RAD17: variants seen among roughly 807,000 people sequenced by gnomAD.
RAD17 encodes cell cycle checkpoint protein RAD17.
Under a neutral mutation model 81.5 loss-of-function variants are expected in RAD17, and 31 were observed. The observed-to-expected ratio is 0.38, with a 90% CI of 0.29 to 0.51. The LOEUF (loss-of-function observed/expected upper bound fraction) is 0.51. Ranked by LOEUF, RAD17 falls within the 20% of genes least tolerant of loss-of-function variation. The pLI, the probability that RAD17 is intolerant of heterozygous loss-of-function variation, is 0.88. For missense variants in RAD17, 681 were observed against 781.2 expected, an observed-to-expected ratio of 0.87 and a Z score of 1.53; for synonymous variants, 261 against 266.2, an observed-to-expected ratio of 0.98 and a Z score of 0.19.
chr5:69,389,106 A>G lies in RAD17; in HGVS notation c.967A>G (p.Arg323Gly). 1.3e-6 allele frequency: 2 copies of G among 1,590,192 alleles called. No individual in the cohort carries two copies. Among genetic ancestry groups the G allele is most frequent in the Non-Finnish European group, 1.7e-6 (2 of 1,167,928 alleles). Residue 323 changes from arginine (R) to glycine (G), a missense_variant, in exon 12 of 19, where the codon AGA (arginine) becomes GGA (glycine). Coordinates refer to ENST00000354868, the MANE Select transcript of RAD17 (RefSeq NM_133338.3). ...LLCQGCSGDI[R>G]SAINSLQFSS... Reference sequence around the variant, plus strand: ...CTGTCAGGGATGTTCTGGTGATATCAGAAGTGCAATAAACAGCCTCCAGTT... The same window carrying G: ...CTGTCAGGGATGTTCTGGTGATATCGGAAGTGCAATAAACAGCCTCCAGTT...
chr5:69,394,693 A>G (rs890540096), intron 15 of RAD17, among the ~76,000 whole-genome samples: 15 of 152,200 alleles, frequency 9.9e-5, no homozygotes, highest in Non-Finnish European at 1.9e-4. Context: ...CCCAGATACA[A>G]AACATTTCCA....
At chr5:69,381,569 A>G (rs962546934) in intron 6 of RAD17, among the ~76,000 whole-genome samples, 33 of 152,316 alleles carry the variant, frequency 2.2e-4, no homozygotes, top group African/African-American at 7.9e-4. Flanking sequence ...GCCAAAGTTT[A>G]GTATTTGGCT....
intron 18 of RAD17, among the ~76,000 whole-genome samples, chr5:69,413,225 G>C (rs1240037239): frequency 6.6e-6 from 1 of 152,050 alleles, no homozygotes; most frequent in Non-Finnish European, 1.5e-5. Context: ...TGGATCACCT[G>C]AGTTCGGGAG....
rs1383349855 is a variant in RAD17 at position 69,410,436 on chromosome 5, G to A, written c.1694-57G>A. On this transcript the variant is annotated intron_variant, in intron 17 of 18. Coordinates refer to ENST00000354868, the MANE Select transcript of RAD17 (RefSeq NM_133338.3). ...TCAGCATCTTTTCAGGTGCTTATTG[G>A]CCATTTGTATATTTTCTTTGGAAAA... 3 of 1,365,374 alleles carry A rather than the reference G, an allele frequency of 2.2e-6. No homozygotes were observed. The Admixed American group carries it at 5.3e-5, about 24-fold the overall frequency. 84.6% of individuals were successfully genotyped at this position (1,365,374 alleles called of 1,614,324 possible).
chr5:69,410,957 A>ACGTC (rs1339109753), intron 18 of RAD17, among the ~76,000 whole-genome samples: 3 of 26,782 alleles, frequency 1.1e-4, no homozygotes, highest in African/African-American at 2.7e-4. Context: ...CAAAAAATAG[A>ACGTC]TGTCTGTCTA....
At chr5:69,409,790 T>G (rs1287021273) in intron 17 of RAD17, among the ~76,000 whole-genome samples, 1 of 152,228 alleles carries the variant, frequency 6.6e-6, no homozygotes, top group Admixed American at 6.5e-5. Flanking sequence ...AAACTTTTGC[T>G]TCTTGCAAAA....
intron 7 of RAD17, among the ~76,000 whole-genome samples, chr5:69,383,084 A>G (rs944119247): frequency 4.6e-5 from 7 of 151,920 alleles, no homozygotes; most frequent in African/African-American, 1.7e-4. Context: ...ATGCGTGGCA[A>G]TAGTACCAAT....
At chr5:69,410,704 C>T (rs957818036) in intron 18 of RAD17, among the ~76,000 whole-genome samples, 154 bp downstream of exon 18, 1 of 151,980 alleles carries the variant, frequency 6.6e-6, no homozygotes, top group African/African-American at 2.4e-5. Flanking sequence ...CCTTCCTTTT[C>T]TTAAATATAA....
intron 7 of RAD17, among the ~76,000 whole-genome samples, chr5:69,383,379 T>G (rs1166364351): frequency 6.6e-6 from 1 of 151,174 alleles, no homozygotes; most frequent in Non-Finnish European, 1.5e-5. Context: ...TTATTATTAT[T>G]ACTATTATTA....
chr5:69,399,406 G>A (rs908902438), intron 16 of RAD17, among the ~76,000 whole-genome samples: 2 of 152,116 alleles, frequency 1.3e-5, no homozygotes, highest in African/African-American at 4.8e-5. Context: ...CTTGACTTCT[G>A]TAATATCTGA....
Position 69,380,345 on chromosome 5 carries a change from C to G in RAD17, c.352-1556C>G, listed in dbSNP as rs138613696. On this transcript the variant is annotated intron_variant, in intron 6 of 18. Transcript: ENST00000354868. ...TACAGCACAGTAGGTGTGTGTACAC[C>G]AGCATTACCACAAACATGAGTGATG... 1.5e-3 allele frequency among the ~76,000 whole-genome samples: 232 copies of G among 152,202 alleles called. 3 individuals are homozygous for G. Among genetic ancestry groups the G allele is most frequent in the African/African-American group, 5.3e-3 (219 of 41,536 alleles).
chr5:69,407,517 T>C (rs1341649649), intron 17 of RAD17, among the ~76,000 whole-genome samples: 1 of 151,588 alleles, frequency 6.6e-6, no homozygotes, highest in Non-Finnish European at 1.5e-5. Context: ...TTTCTGAGAT[T>C]TTGTTTATAT....
intron 6 of RAD17, among the ~76,000 whole-genome samples, chr5:69,380,358 A>G (rs533519561): frequency 2.2e-4 from 34 of 152,290 alleles, no homozygotes; most frequent in African/African-American, 7.7e-4. Flanking sequence ...CATTACCACA[A>G]ACATGAGTGA....
At chr5:69,391,721 A>G (rs1324699125) in intron 12 of RAD17, 110 bp from the exon 13 acceptor site, 4 of 914,704 alleles carry the variant, frequency 4.4e-6, no homozygotes, top group Non-Finnish European at 6.1e-6. Flanking sequence ...TTTGTTTATT[A>G]GGAAAACAAA....
chr5:69,387,550 T>A (rs1007704934), intron 11 of RAD17, among the ~76,000 whole-genome samples: 5 of 152,114 alleles, frequency 3.3e-5, no homozygotes, highest in Admixed American at 1.3e-4. Context: ...ATTATTATGC[T>A]ATTAGTGTTT....
At position 69,393,366 on chromosome 5, in the gene RAD17, AT is replaced by A; in HGVS notation, c.1289del (p.Met430SerfsTer18). On this transcript the variant is annotated frameshift_variant, in exon 15 of 19. Transcript: ENST00000354868. LOFTEE classifies it high-confidence loss of function. ...CTTCTTTTTATAGGAGGTAGTAGAAATGTCACACATGCCTGGAGACTTATTT... is the reference window on the plus strand; with the variant it reads ...CTTCTTTTTATAGGAGGTAGTAGAAAGTCACACATGCCTGGAGACTTATTT... ...LLVEPEEVVE[M>X]SHMPGDLFNL... The A allele has an allele frequency of 6.3e-7, 1 of 1,591,756 alleles. No homozygotes were observed. The highest frequency in any genetic ancestry group is 1.8e-5 in the Admixed American group (1 of 54,480).
chr5:69,372,339 C>A, intron 4 of RAD17, 122 bp downstream of exon 4: 1 of 901,210 alleles, frequency 1.1e-6, no homozygotes, highest in Non-Finnish European at 1.7e-6. Context: ...TATTTATAAG[C>A]CCCAAATTGT....
intron 16 of RAD17, among the ~76,000 whole-genome samples, chr5:69,399,686 G>GT (rs1554042855): frequency 2.6e-5 from 1 of 38,408 alleles, no homozygotes; most frequent in Non-Finnish European, 5.5e-5. Flanking sequence ...TCAGCATAAC[G>GT]TGTTGACTAA....
chr5:69,381,183 T>C (rs1184779340), intron 6 of RAD17, among the ~76,000 whole-genome samples: 2 of 152,146 alleles, frequency 1.3e-5, no homozygotes, highest in Admixed American at 6.6e-5. Flanking sequence ...GAGATGTCTA[T>C]ATTAAGAATA....
Sources: allele counts gnomAD v4.1 joint callset (sites outside exome capture counted in the v4.1 genomes callset), GRCh38; gene constraint gnomAD v4.1.1; transcripts MANE v1.5; gene names NCBI Gene and HGNC (gene_info 2026-07-23, HGNC 2026-07-21).